PHACTR1: variants seen among roughly 807,000 people sequenced by gnomAD.
The protein encoded by PHACTR1 is RPEL repeat containing 1.
A neutral mutation model predicts 69.2 loss-of-function variants in PHACTR1; 16 were observed. The ratio of observed to expected loss-of-function variants is 0.23; its 90% CI spans 0.16 to 0.35. The LOEUF (loss-of-function observed/expected upper bound fraction) is 0.35, where lower values mean the gene tolerates loss of function less well. PHACTR1 is among the 10% of genes least tolerant of loss of function. The pLI, the probability that PHACTR1 is intolerant of heterozygous loss-of-function variation, is 1.00. For missense variants in PHACTR1, 510 were observed against 734.7 expected, an observed-to-expected ratio of 0.69 and a Z score of 3.54; for synonymous variants, 312 against 284.5, an observed-to-expected ratio of 1.10 and a Z score of -0.97.
chr6:13,165,684 C>A (rs1348748611), intron 6 of PHACTR1, among the ~76,000 whole-genome samples: 1 of 152,142 alleles, frequency 6.6e-6, no homozygotes, highest in Non-Finnish European at 1.5e-5. Context: ...TGGAGGACCT[C>A]TTGTGGGAGG....
chr6:12,829,668 A>C (rs756086756), intron 4 of PHACTR1, among the ~76,000 whole-genome samples: 6 of 151,690 alleles, frequency 4.0e-5, no homozygotes, highest in Non-Finnish European at 5.9e-5. Context: ...AATAAAAGAA[A>C]ATGAGGCCAG....
At chr6:13,068,774 C>T (rs368677009) in intron 5 of PHACTR1, among the ~76,000 whole-genome samples, 5 of 152,108 alleles carry the variant, frequency 3.3e-5, no homozygotes, top group South Asian at 2.1e-4. Context: ...TGCTATGTCA[C>T]GGGCAGAAAT....
chr6:12,822,170 T>C (rs1258874549), intron 4 of PHACTR1, among the ~76,000 whole-genome samples: 1 of 152,208 alleles, frequency 6.6e-6, no homozygotes, highest in African/African-American at 2.4e-5. Flanking sequence ...GACAGAGGTT[T>C]TGGAGTCACT....
intron 5 of PHACTR1, among the ~76,000 whole-genome samples, chr6:13,159,855 G>A (rs150558655): frequency 1.0e-3 from 158 of 152,160 alleles, no homozygotes; most frequent in African/African-American, 3.6e-3. Context: ...CAGGAGAATC[G>A]CTTGAACCTG....
chr6:12,938,823 T>G (rs1281772745), intron 4 of PHACTR1, among the ~76,000 whole-genome samples: 1 of 152,160 alleles, frequency 6.6e-6, no homozygotes, highest in Non-Finnish European at 1.5e-5. Context: ...CTTTTTTTTT[T>G]GTTTGGCTTC....
At chr6:13,282,473 T>A (rs1780500829) in intron 12 of PHACTR1, among the ~76,000 whole-genome samples, 1 of 152,138 alleles carries the variant, frequency 6.6e-6, no homozygotes, top group Admixed American at 6.5e-5. Flanking sequence ...TCATGCACCA[T>A]CCAAAGGGCT....
intron 4 of PHACTR1, among the ~76,000 whole-genome samples, chr6:12,926,621 C>T (rs1788292687): frequency 6.6e-6 from 1 of 152,192 alleles, no homozygotes; most frequent in Non-Finnish European, 1.5e-5. Flanking sequence ...AGAAAGCTGC[C>T]CATCAAGTCC....
chr6:12,723,461 C>T (rs573090051), intron 3 of PHACTR1, among the ~76,000 whole-genome samples: 1 of 151,710 alleles, frequency 6.6e-6, no homozygotes, highest in South Asian at 2.1e-4. Context: ...TTACAAACAC[C>T]ACCTGGAATC....
intron 8 of PHACTR1, among the ~76,000 whole-genome samples, chr6:13,226,005 C>T (rs181076704): frequency 7.9e-5 from 12 of 152,322 alleles, no homozygotes; most frequent in Admixed American, 3.9e-4. Flanking sequence ...GGCCATCTAT[C>T]GTGTACTTCA....
At chr6:12,876,885 T>G (rs563938184) in intron 4 of PHACTR1, among the ~76,000 whole-genome samples, 2 of 152,188 alleles carry the variant, frequency 1.3e-5, no homozygotes, top group Non-Finnish European at 2.9e-5. Context: ...CCTAAAGGCC[T>G]GAGAACCAAA....
chr6:12,842,364 G>A (rs923207618), intron 4 of PHACTR1, among the ~76,000 whole-genome samples: 1 of 152,188 alleles, frequency 6.6e-6, no homozygotes, highest in African/African-American at 2.4e-5. Context: ...TAGTAAGGGT[G>A]TCATATTTTC....
chr6:13,287,162 C>A lies in PHACTR1; in HGVS notation c.*84C>A. The A allele has an allele frequency of 7.8e-7, 1 of 1,287,830 alleles. No homozygotes were observed. Among genetic ancestry groups the A allele is most frequent in the African/African-American group, 1.5e-5 (1 of 67,062 alleles). The allele number at this position is 1,287,830 out of a possible 1,614,324, so 79.8% of individuals were successfully genotyped here. On this transcript the variant is annotated 3_prime_UTR_variant, in exon 15 of 15. Coordinates refer to ENST00000332995, the MANE Select transcript of PHACTR1 (RefSeq NM_030948.6). ...AAGTGCTGGTATTTATTCACTTCCCCATTACGATGTAAATCTTCTGAACTG... is the reference window on the plus strand; with the variant it reads ...AAGTGCTGGTATTTATTCACTTCCCAATTACGATGTAAATCTTCTGAACTG...
At chr6:12,863,977 C>T (rs533534492) in intron 4 of PHACTR1, among the ~76,000 whole-genome samples, 8 of 152,218 alleles carry the variant, frequency 5.3e-5, no homozygotes, top group East Asian at 3.9e-4. Context: ...TACAGTTGTT[C>T]GAGTTTCATG....
intron 4 of PHACTR1, among the ~76,000 whole-genome samples, chr6:12,782,973 C>A (rs1365104965): frequency 2.0e-5 from 3 of 152,140 alleles, no homozygotes; most frequent in Non-Finnish European, 4.4e-5. Context: ...CAAACATTTA[C>A]CATGTTCAGT....
At chr6:13,239,387 A>G (rs944786594) in intron 10 of PHACTR1, among the ~76,000 whole-genome samples, 1 of 152,206 alleles carries the variant, frequency 6.6e-6, no homozygotes, top group African/African-American at 2.4e-5. Flanking sequence ...CACTGCACGC[A>G]ATAGAAAATC....
chr6:13,195,779 A>AAAAAAAAAG (rs201554952), intron 7 of PHACTR1, among the ~76,000 whole-genome samples: 2,306 of 118,100 alleles, frequency 0.02, 310 homozygotes, highest in African/African-American at 0.052. Context: ...AAAAAAAAAA[A>AAAAAAAAAG]AGTTCATTTG....
chr6:12,934,557 C>T (rs570404565), intron 4 of PHACTR1, among the ~76,000 whole-genome samples: 10 of 152,202 alleles, frequency 6.6e-5, no homozygotes, highest in East Asian at 1.9e-4. Flanking sequence ...TTAGTAGGGC[C>T]GGGTGTGGTG....
chr6:12,896,687 C>T (rs1018017699), intron 4 of PHACTR1, among the ~76,000 whole-genome samples: 4 of 152,180 alleles, frequency 2.6e-5, no homozygotes, highest in Admixed American at 1.3e-4. Context: ...TGCTGAAAGC[C>T]GTTCTAAACA....
chr6:12,946,099 C>T (rs537323685), intron 4 of PHACTR1, among the ~76,000 whole-genome samples: 2 of 151,482 alleles, frequency 1.3e-5, no homozygotes, highest in East Asian at 3.9e-4. Flanking sequence ...AGACATCTCA[C>T]AAGACCAGTA....
Sources: allele counts gnomAD v4.1 joint callset (sites outside exome capture counted in the v4.1 genomes callset), GRCh38; gene constraint gnomAD v4.1.1; transcripts MANE v1.5; gene names NCBI Gene and HGNC (gene_info 2026-07-23, HGNC 2026-07-21).